The following CACNA2D1 variants were observed in gnomAD, a reference collection of about 807,000 sequenced individuals.
CACNA2D1 encodes the protein voltage-dependent calcium channel subunit alpha-2/delta-1.
In CACNA2D1, 53 loss-of-function variants were observed where a neutral mutation model predicts 171.5. That is an observed-to-expected ratio of 0.31 (90% CI 0.25 to 0.39). The LOEUF is 0.39. Among genes scored for constraint, CACNA2D1 ranks in the 10% least tolerant of loss-of-function variants. The probability of loss-of-function intolerance (pLI) is 1.00; values close to 1 mark genes in which losing one functional copy is unlikely to be tolerated. For missense variants in CACNA2D1, 903 were observed against 1,299.8 expected, an observed-to-expected ratio of 0.69 and a Z score of 4.69; for synonymous variants, 442 against 443.1, an observed-to-expected ratio of 1.00 and a Z score of 0.03.
intron 10 of CACNA2D1, among the ~76,000 whole-genome samples, chr7:82,043,116 A>G (rs1307454544): frequency 6.6e-6 from 1 of 152,212 alleles, no homozygotes; most frequent in Non-Finnish European, 1.5e-5. Flanking sequence ...TTGATCAATA[A>G]TCAAACTATG....
rs530071349 is a variant in CACNA2D1, at chr7:82,156,440, C to G, written c.354+14110G>C. Among the ~76,000 whole-genome samples the G allele has an allele frequency of 5.9e-5, 9 of 152,190 alleles. No homozygotes were observed. In the South Asian group the frequency reaches 1.7e-3, roughly 28 times the overall value. Reference sequence around the variant, plus strand: ...TAGATCAGTCTTTTCCAAGGGAGAACGTGATAAATCAATCTTGAAGCAACT... The same window carrying G: ...TAGATCAGTCTTTTCCAAGGGAGAAGGTGATAAATCAATCTTGAAGCAACT... On this transcript the variant is annotated intron_variant, in intron 4 of 38. Coordinates refer to ENST00000356860, the MANE Select transcript of CACNA2D1 (RefSeq NM_000722.4).
intron 3 of CACNA2D1, among the ~76,000 whole-genome samples, chr7:82,236,450 C>G (rs1803599469): frequency 6.6e-6 from 1 of 152,092 alleles, no homozygotes; most frequent in Admixed American, 6.6e-5. Context: ...AACAACATCT[C>G]TCCTACACGT....
At chr7:82,190,249 A>G (rs1440868098) in intron 3 of CACNA2D1, among the ~76,000 whole-genome samples, 1 of 151,844 alleles carries the variant, frequency 6.6e-6, no homozygotes, top group Non-Finnish European at 1.5e-5. Context: ...CTCTTGTTCT[A>G]TGCATGAGGA....
chr7:82,346,685 C>G (rs1263173028), intron 2 of CACNA2D1, among the ~76,000 whole-genome samples: 1 of 151,708 alleles, frequency 6.6e-6, no homozygotes, highest in Non-Finnish European at 1.5e-5. Context: ...TCCTTACACT[C>G]TTTTCTTTTT....
chr7:82,222,996 T>C (rs1801959338), intron 3 of CACNA2D1, among the ~76,000 whole-genome samples: 1 of 151,170 alleles, frequency 6.6e-6, no homozygotes, highest in Non-Finnish European at 1.5e-5. Context: ...TCACCGCAAC[T>C]CTGCCTCCTG....
intron 1 of CACNA2D1, among the ~76,000 whole-genome samples, chr7:82,380,378 TG>T (rs1276947435): frequency 1.3e-5 from 2 of 152,132 alleles, no homozygotes; most frequent in African/African-American, 4.8e-5. Context: ...ATCCTATGAT[TG>T]ATAGGTAAAA....
intron 21 of CACNA2D1, among the ~76,000 whole-genome samples, chr7:81,985,196 CTTTTTTT>C (rs774555240): frequency 9.6e-6 from 1 of 104,190 alleles, no homozygotes; most frequent in Non-Finnish European, 1.8e-5. Flanking sequence ...ATTATCATTA[CTTTTTTT>C]TTTTTTTTTT....
intron 3 of CACNA2D1, among the ~76,000 whole-genome samples, chr7:82,228,459 C>A (rs112931191): frequency 6.6e-6 from 1 of 152,096 alleles, no homozygotes; most frequent in African/African-American, 2.4e-5. Context: ...GGTTATACAT[C>A]ATGGAAATGC....
chr7:82,081,671 G>T (rs1287348334), intron 7 of CACNA2D1, among the ~76,000 whole-genome samples: 1 of 152,148 alleles, frequency 6.6e-6, no homozygotes, highest in Non-Finnish European at 1.5e-5. Flanking sequence ...ACTAGTGCAG[G>T]ACTTTTCTTG....
chr7:82,087,591 T>C (rs1175448479), intron 6 of CACNA2D1, among the ~76,000 whole-genome samples: 1 of 151,300 alleles, frequency 6.6e-6, no homozygotes, highest in Non-Finnish European at 1.5e-5. Context: ...AAAGAAAATA[T>C]ATAAAGCATC....
intron 2 of CACNA2D1, among the ~76,000 whole-genome samples, chr7:82,338,405 G>A (rs1818247452): frequency 6.6e-6 from 1 of 151,854 alleles, no homozygotes; most frequent in Non-Finnish European, 1.5e-5. Flanking sequence ...TATTCACAGA[G>A]GCAATCCTAG....
chr7:82,317,621 C>T (rs1815280430), intron 3 of CACNA2D1, among the ~76,000 whole-genome samples: 2 of 152,056 alleles, frequency 1.3e-5, no homozygotes, highest in South Asian at 4.1e-4. Flanking sequence ...GATTTAGCCT[C>T]CAACAGTGAC....
At chr7:82,425,637 C>T (rs1050666735) in intron 1 of CACNA2D1, among the ~76,000 whole-genome samples, 9 of 150,240 alleles carry the variant, frequency 6.0e-5, no homozygotes, top group African/African-American at 2.2e-4. Context: ...AACGTTCAGG[C>T]TCAAGTGATC....
chr7:82,360,260 A>C (rs1444498152), intron 1 of CACNA2D1, among the ~76,000 whole-genome samples: 1 of 152,192 alleles, frequency 6.6e-6, no homozygotes, highest in East Asian at 1.9e-4. Context: ...GAAAGAAAAT[A>C]ACATTTGCAG....
At chr7:82,041,655 A>T (rs1803979268) in intron 10 of CACNA2D1, among the ~76,000 whole-genome samples, 1 of 152,178 alleles carries the variant, frequency 6.6e-6, no homozygotes, top group African/African-American at 2.4e-5. Flanking sequence ...AATATTGAAA[A>T]CTGAGTATCT....
intron 3 of CACNA2D1, among the ~76,000 whole-genome samples, chr7:82,312,580 G>A (rs1457289668): frequency 4.7e-5 from 7 of 147,482 alleles, no homozygotes; most frequent in African/African-American, 5.1e-5. Flanking sequence ...GCAGTGGCAC[G>A]ATCTCAGCTA....
At chr7:82,052,743 A>C (rs1278307730) in intron 10 of CACNA2D1, among the ~76,000 whole-genome samples, 2 of 152,228 alleles carry the variant, frequency 1.3e-5, no homozygotes, top group Non-Finnish European at 2.9e-5. Flanking sequence ...GTAAATAAAT[A>C]TTCCTGAAGA....
At chr7:82,238,149 G>A (rs1008663075) in intron 3 of CACNA2D1, among the ~76,000 whole-genome samples, 1 of 151,998 alleles carries the variant, frequency 6.6e-6, no homozygotes, top group East Asian at 1.9e-4. Flanking sequence ...ATTCATATAA[G>A]AGGGGAATAA....
At chr7:82,106,806 T>A (rs1787814585) in intron 6 of CACNA2D1, among the ~76,000 whole-genome samples, 1 of 152,086 alleles carries the variant, frequency 6.6e-6, no homozygotes. Flanking sequence ...TGATATGATA[T>A]TCCTTTCTGA....
Sources: allele counts gnomAD v4.1 joint callset (sites outside exome capture counted in the v4.1 genomes callset), GRCh38; gene constraint gnomAD v4.1.1; transcripts MANE v1.5; gene names NCBI Gene and HGNC (gene_info 2026-07-23, HGNC 2026-07-21).